GPHN: variants seen among roughly 807,000 people sequenced by gnomAD.
The protein encoded by GPHN is gephyrin.
GPHN carries 17 observed loss-of-function variants against 95.5 expected under a neutral mutation model. That is an observed-to-expected ratio of 0.18 (90% CI 0.12 to 0.27). The LOEUF (loss-of-function observed/expected upper bound fraction) is 0.27, where lower values mean the gene tolerates loss of function less well. Among genes scored for constraint, GPHN ranks in the 10% least tolerant of loss-of-function variants. GPHN has a pLI of 1.00. For missense variants in GPHN, 660 were observed against 978.1 expected, an observed-to-expected ratio of 0.67 and a Z score of 4.34; for synonymous variants, 320 against 322.5, an observed-to-expected ratio of 0.99 and a Z score of 0.08.
chr14:67,320,986 G>T, the GPHN span: 1 of 1,278,774 alleles, frequency 7.8e-7, no homozygotes, highest in South Asian at 1.2e-5. Flanking sequence ...AATTCTTTCT[G>T]ACTAGCAGAA....
chr14:67,289,954 A>G, the GPHN span, among the ~76,000 whole-genome samples: 7 of 152,006 alleles, frequency 4.6e-5, no homozygotes, highest in South Asian at 2.1e-4. Flanking sequence ...AAATATTTTT[A>G]GTAGAGACGG....
the GPHN span, among the ~76,000 whole-genome samples, chr14:67,451,737 C>T: frequency 2.0e-5 from 3 of 152,136 alleles, no homozygotes; most frequent in Non-Finnish European, 4.4e-5. Context: ...CTTGCCTTGT[C>T]TTGGATGAGA....
At chr14:66,953,422 A>G (rs1452661110) in intron 8 of GPHN, among the ~76,000 whole-genome samples, 1 of 152,012 alleles carries the variant, frequency 6.6e-6, no homozygotes, top group Non-Finnish European at 1.5e-5. Flanking sequence ...ATTTACCTTT[A>G]TGTTTTCTTC....
the GPHN span, among the ~76,000 whole-genome samples, chr14:67,230,258 C>T: frequency 6.6e-6 from 1 of 152,082 alleles, no homozygotes; most frequent in Non-Finnish European, 1.5e-5. Context: ...TACAACCACC[C>T]TGGAAAAGAG....
intron 9 of GPHN, among the ~76,000 whole-genome samples, chr14:66,967,948 TG>T (rs2069464451): frequency 6.6e-6 from 1 of 151,918 alleles, no homozygotes; most frequent in Non-Finnish European, 1.5e-5. Flanking sequence ...TAAAGGCAGG[TG>T]TCACCAATCA....
chr14:67,446,283 T>C, the GPHN span, among the ~76,000 whole-genome samples: 5 of 152,246 alleles, frequency 3.3e-5, no homozygotes, highest in Admixed American at 3.3e-4. Flanking sequence ...CAGAATTCCA[T>C]GGCTCTAAAC....
At chr14:66,844,134 T>C (rs931187962) in intron 4 of GPHN, among the ~76,000 whole-genome samples, 2 of 152,114 alleles carry the variant, frequency 1.3e-5, no homozygotes, top group African/African-American at 2.4e-5. Flanking sequence ...CTCTATTTTT[T>C]CCTTTGAGAA....
chr14:67,063,016 A>G (rs2075888263), intron 11 of GPHN, among the ~76,000 whole-genome samples: 1 of 152,124 alleles, frequency 6.6e-6, no homozygotes, highest in African/African-American at 2.4e-5. Flanking sequence ...CCTGAATGGT[A>G]TTGCCTAGGT....
chr14:66,976,950 A>G (rs905354893), intron 9 of GPHN, among the ~76,000 whole-genome samples: 15 of 150,158 alleles, frequency 1.0e-4, no homozygotes, highest in Non-Finnish European at 2.1e-4. Context: ...CTAGAAATCT[A>G]CTAAAAATTT....
At chr14:66,730,781 T>G (rs2071693409) in intron 2 of GPHN, among the ~76,000 whole-genome samples, 1 of 152,190 alleles carries the variant, frequency 6.6e-6, no homozygotes, top group Non-Finnish European at 1.5e-5. Flanking sequence ...ACTACATATT[T>G]TAAGTATCAA....
At chr14:66,683,847 G>A (rs1321597696) in intron 2 of GPHN, among the ~76,000 whole-genome samples, 1 of 151,402 alleles carries the variant, frequency 6.6e-6, no homozygotes, top group East Asian at 2.0e-4. Context: ...CGTGGTGGCG[G>A]GCACCTGTAG....
intron 1 of GPHN, among the ~76,000 whole-genome samples, chr14:66,679,509 T>C (rs1043222627): frequency 6.6e-6 from 1 of 152,200 alleles, no homozygotes; most frequent in Non-Finnish European, 1.5e-5. Flanking sequence ...TCTCAGCAAT[T>C]TTTAACTTTT....
chr14:67,265,087 G>C, the GPHN span, among the ~76,000 whole-genome samples: 10 of 151,960 alleles, frequency 6.6e-5, no homozygotes, highest in Non-Finnish European at 4.4e-5. Context: ...ATTTTGTCTG[G>C]TATAGTATAT....
chr14:67,302,211 A>T, the GPHN span: 2 of 1,346,712 alleles, frequency 1.5e-6, no homozygotes, highest in Non-Finnish European at 9.9e-7. Context: ...TAATGAATAG[A>T]GTATTTCTGA....
chr14:66,863,961 G>T (rs1234765790), intron 4 of GPHN, among the ~76,000 whole-genome samples: 1 of 152,096 alleles, frequency 6.6e-6, no homozygotes, highest in Non-Finnish European at 1.5e-5. Flanking sequence ...AGCAAAAATG[G>T]ACAAATGGGA....
intron 3 of GPHN, among the ~76,000 whole-genome samples, chr14:66,814,568 A>G (rs962658269): frequency 6.6e-6 from 1 of 152,326 alleles, no homozygotes; most frequent in East Asian, 1.9e-4. Context: ...ATGTTCCAAA[A>G]ACAAGATTGG....
chr14:67,244,668 C>A, the GPHN span, among the ~76,000 whole-genome samples: 1 of 152,038 alleles, frequency 6.6e-6, no homozygotes, highest in Admixed American at 6.5e-5. Flanking sequence ...TAAATCTTTG[C>A]AAATAGGTTT....
At chr14:67,084,104 C>A (rs1022652768) in intron 11 of GPHN, among the ~76,000 whole-genome samples, 3 of 152,122 alleles carry the variant, frequency 2.0e-5, no homozygotes, top group African/African-American at 2.4e-5. Context: ...GAAGTCAAGA[C>A]AATTTCACAA....
chr14:67,600,132 CG>C, the GPHN span: 2 of 1,595,624 alleles, frequency 1.3e-6, no homozygotes, highest in African/African-American at 1.3e-5. Flanking sequence ...CCCGGCAGGA[CG>C]GGGAGTAGTA....
Sources: gnomAD v4.1 joint callset for allele counts (sites outside exome capture counted in the v4.1 genomes callset) on GRCh38, gnomAD v4.1.1 for gene constraint, MANE v1.5 for transcripts, NCBI Gene and HGNC (gene_info 2026-07-23, HGNC 2026-07-21) for gene names.